Variants in LAMA1 observed in about 807,000 individuals in gnomAD.
LAMA1 encodes laminin subunit alpha-1.
Under a neutral mutation model 348.7 loss-of-function variants are expected in LAMA1, and 219 were observed. The ratio of observed to expected loss-of-function variants is 0.63; its 90% CI spans 0.56 to 0.70. The LOEUF (loss-of-function observed/expected upper bound fraction) is 0.70, where lower values mean the gene tolerates loss of function less well. Ranked by LOEUF, LAMA1 falls within the 30% of genes least tolerant of loss-of-function variation. LAMA1 has a pLI of 0.00. For missense variants in LAMA1, 3,744 were observed against 3,888.0 expected, an observed-to-expected ratio of 0.96 and a Z score of 0.99; for synonymous variants, 1,487 against 1,491.0, an observed-to-expected ratio of 1.00 and a Z score of 0.06.
intron 5 of LAMA1, among the ~76,000 whole-genome samples, chr18:7,046,762 A>G (rs2058043288): frequency 6.6e-6 from 1 of 152,224 alleles, no homozygotes; most frequent in Admixed American, 6.5e-5. Context: ...CAAGAAATGT[A>G]AATCACATTA....
chr18:7,090,312 T>TA (rs932912806), intron 1 of LAMA1, among the ~76,000 whole-genome samples: 2 of 152,204 alleles, frequency 1.3e-5, no homozygotes, highest in Non-Finnish European at 1.5e-5. Context: ...CTGTTTAATG[T>TA]AAAACGAGAC....
chr18:6,994,004 G>A (rs2144077129), intron 34 of LAMA1, among the ~76,000 whole-genome samples: 1 of 152,272 alleles, frequency 6.6e-6, no homozygotes, highest in Non-Finnish European at 1.5e-5. Flanking sequence ...TTAAAAGCAG[G>A]CTAATTGTGT....
At chr18:7,009,977 T>C (rs1194820795) in intron 26 of LAMA1, among the ~76,000 whole-genome samples, 1 of 152,086 alleles carries the variant, frequency 6.6e-6, no homozygotes, top group East Asian at 1.9e-4. Flanking sequence ...TGGCTAATTT[T>C]TATATTTTTA....
chr18:6,969,509 T>C (rs963903212), intron 48 of LAMA1, among the ~76,000 whole-genome samples: 14 of 152,214 alleles, frequency 9.2e-5, no homozygotes, highest in African/African-American at 3.4e-4. Flanking sequence ...TCCCAAACAT[T>C]TATGATCAGT....
At chr18:7,043,969 C>T (rs1040792374) in intron 7 of LAMA1, among the ~76,000 whole-genome samples, 2 of 151,944 alleles carry the variant, frequency 1.3e-5, no homozygotes, top group African/African-American at 4.8e-5. Flanking sequence ...TCCTGGCTAA[C>T]ACAGTGAAAC....
At chr18:7,108,682 A>G (rs555592495) in intron 1 of LAMA1, among the ~76,000 whole-genome samples, 66 of 138,304 alleles carry the variant, frequency 4.8e-4, no homozygotes, top group African/African-American at 1.7e-3. Flanking sequence ...ACTCCCTTTT[A>G]AAGAAAAACA....
At position 7,050,716 on chromosome 18, in the gene LAMA1, A is replaced by C; in HGVS notation, c.566T>G (p.Leu189Trp). 1 of 1,614,028 alleles carries C rather than the reference A, an allele frequency of 6.2e-7. No homozygotes were observed. Among genetic ancestry groups the C allele is most frequent in the South Asian group, 1.1e-5 (1 of 91,072 alleles). ...EVICTSYYSR[L>W]VPLEHGEIHT... is the part of the protein sequence containing the mutation. The stretch of plus-strand genomic sequence containing the variant: ...TACCTCTCCATGCTCAAGTGGCACC[A>C]ATCTGGAATAATAGGAGGTGCAGAT... The change falls in exon 4 of 63, where the codon TTG becomes TGG. Residue 189 changes from leucine (L) to tryptophan (W), a missense_variant. Physicochemically the swap from Leu to Trp is moderately conservative, Grantham distance 61. Around this residue, in one of 3 missense-constraint regions of LAMA1, gnomAD observed 1,529 missense variants for 1,689.4 expected, o/e 0.91. Transcript: ENST00000389658.
At chr18:6,994,672 GACAC>G (rs10534077) in intron 34 of LAMA1, among the ~76,000 whole-genome samples, 86,828 of 148,198 alleles carry the variant, frequency 0.59, 25,869 homozygotes, top group East Asian at 0.91. Flanking sequence ...TCACAGTACA[GACAC>G]ACACACACAC....
intron 46 of LAMA1, among the ~76,000 whole-genome samples, chr18:6,973,468 C>T (rs528403725): frequency 7.9e-5 from 12 of 152,064 alleles, no homozygotes; most frequent in East Asian, 3.9e-4. Flanking sequence ...ATGTCTACTC[C>T]GTAAATATTA....
intron 14 of LAMA1, among the ~76,000 whole-genome samples, chr18:7,034,166 T>C (rs1366893815): frequency 1.3e-5 from 2 of 152,196 alleles, no homozygotes; most frequent in East Asian, 3.9e-4. Context: ...AACATTAGGA[T>C]GGTGAGAACC....
intron 35 of LAMA1, among the ~76,000 whole-genome samples, chr18:6,993,158 C>T (rs1307881076): frequency 6.6e-6 from 1 of 152,058 alleles, no homozygotes; most frequent in Admixed American, 6.6e-5. Context: ...TTATTGGATT[C>T]TGTACTTTTT....
At chr18:7,030,282 T>C (rs2057962877) in intron 16 of LAMA1, among the ~76,000 whole-genome samples, 1 of 152,098 alleles carries the variant, frequency 6.6e-6, no homozygotes, top group Non-Finnish European at 1.5e-5. Context: ...TAAGAAAGCA[T>C]CAGACAAGCC....
At position 7,080,079 on chromosome 18, in the gene LAMA1, G is replaced by A. The variant is rs747140327; in HGVS notation, c.241C>T (p.Pro81Ser). 5.6e-6 allele frequency: 9 copies of A among 1,612,296 alleles called. No homozygotes were observed. The highest frequency in any genetic ancestry group is 6.8e-6 in the Non-Finnish European group (8 of 1,178,492). Residue 81 changes from proline (P) to serine (S), a missense_variant, in exon 3 of 63, where the codon CCA becomes TCA. Pro to Ser is a moderately conservative substitution (Grantham distance 74, BLOSUM62 -1). Transcript: ENST00000389658. ...GNSANPRERH[P>S]ISHAIDGTNN... is the part of the protein sequence containing the mutation. ...GTGCCATCTATGGCATGTGATATTG[G>A]ATGGCGTTCTGTTGAAAGAAAATAA...
chr18:6,997,612 C>A, intron 33 of LAMA1, 130 bp downstream of exon 33: 1 of 945,574 alleles, frequency 1.1e-6, no homozygotes, highest in Non-Finnish European at 1.7e-6. Flanking sequence ...TGGACACCTG[C>A]CCGCAGGGGC....
In LAMA1 at chr18:6,971,861, C is replaced by T. The variant is rs747274645; in HGVS notation, c.6895G>A (p.Gly2299Arg). The T allele has an allele frequency of 1.1e-5, 18 of 1,614,062 alleles. No individual in the cohort carries two copies. The highest frequency in any genetic ancestry group is 3.3e-5 in the Admixed American group (2 of 60,014). Residue 2299 changes from glycine to arginine, a missense_variant, in exon 48 of 63, where the codon GGA (glycine) becomes AGA (arginine). This residue lies in a region of LAMA1 where 1,983 missense variants were observed against 1,934.3 expected (regional missense o/e 1.03). Coordinates refer to ENST00000389658, the MANE Select transcript of LAMA1 (RefSeq NM_005559.4). The part of the protein sequence containing the change: ...EREGKCRGCF[G>R]SSQNEDPSFH... ...TAAACCGTGACGACATCTTACCTTC[C>T]GAAGCACCCACGGCACTTGCCTTCC...
intron 3 of LAMA1, among the ~76,000 whole-genome samples, chr18:7,068,143 G>C (rs936420216): frequency 6.6e-6 from 1 of 152,240 alleles, no homozygotes; most frequent in African/African-American, 2.4e-5. Context: ...GTGAGCCACC[G>C]CGCCCGGCCT....
At chr18:6,956,441 G>T in intron 56 of LAMA1, 195 bp downstream of exon 56, 1 of 814,108 alleles carries the variant, frequency 1.2e-6, no homozygotes, top group South Asian at 1.4e-5. Context: ...TCTATGGATT[G>T]GGCCGTGTCA....
In LAMA1 at chr18:7,117,790, G is replaced by C. The variant is rs1393789766; in HGVS notation, c.-70C>G. ...GCCCGCCTGGAACGCTCCACGGGAC[G>C]CGAGTCCGCGCTGCCCTGGCCCCGC... On this transcript the variant is annotated 5_prime_UTR_variant, in exon 1 of 63. Transcript: ENST00000389658. 7 of 1,379,012 alleles carry C rather than the reference G, an allele frequency of 5.1e-6. No individual in the cohort carries two copies. The highest frequency in any genetic ancestry group is 6.0e-6 in the Non-Finnish European group (6 of 1,007,964). The allele number at this position is 1,379,012 out of a possible 1,614,324, so 85.4% of individuals were successfully genotyped here. A position where few individuals can be genotyped will look rare whatever the true frequency, so the allele number is the denominator to read the frequency against.
chr18:7,096,024 C>T (rs1286190232), intron 1 of LAMA1, among the ~76,000 whole-genome samples: 4 of 152,194 alleles, frequency 2.6e-5, no homozygotes, highest in South Asian at 4.1e-4. Context: ...GCCGAGATCG[C>T]GCCATTGCGC....
Sources: gnomAD v4.1 joint callset for allele counts (sites outside exome capture counted in the v4.1 genomes callset) on GRCh38, gnomAD v4.1.1 for gene constraint, gnomAD v4.1.1 regional missense constraint, MANE v1.5 for transcripts, NCBI Gene and HGNC (gene_info 2026-07-23, HGNC 2026-07-21) for gene names.